Variants in PNPLA7 observed in about 807,000 individuals in gnomAD.
PNPLA7 encodes patatin-like phospholipase domain-containing protein 7.
In PNPLA7, 153 loss-of-function variants were observed where a neutral mutation model predicts 161.7. The ratio of observed to expected loss-of-function variants is 0.95; its 90% CI spans 0.83 to 1.08. The LOEUF is 1.08. Ranked by LOEUF, PNPLA7 falls within the 50% of genes least tolerant of loss-of-function variation. PNPLA7 has a pLI of 0.00. For missense variants in PNPLA7, 1,739 were observed against 1,856.6 expected (o/e 0.94, Z 1.16); for synonymous variants, 809 against 782.1 (o/e 1.03, Z -0.57).
At chr9:137,514,131 C>T (rs1025051806) in intron 12 of PNPLA7, among the ~76,000 whole-genome samples, 3 of 149,772 alleles carry the variant, frequency 2.0e-5, no homozygotes, top group African/African-American at 7.4e-5. Context: ...TGTTGAGGTG[C>T]CCGGGCCCTG....
At chr9:137,469,614 A>G (rs1004561833) in intron 25 of PNPLA7, among the ~76,000 whole-genome samples, 1 of 152,254 alleles carries the variant, frequency 6.6e-6, no homozygotes, top group Non-Finnish European at 1.5e-5. Flanking sequence ...CTGTTTCTTT[A>G]TAGACAATGT....
Position 137,500,746 on chromosome 9 carries a change from C to T in PNPLA7, c.1702G>A (p.Val568Ile), listed in dbSNP as rs773186126. ...VLTGEPLIFTVKANRDCSFLS... is the reference protein window; with the variant it reads ...VLTGEPLIFTIKANRDCSFLS... ...AAGCTGCAGTCCCTGTTGGCCTTGA[C>T]GGTGAAGATGAGAGGCTCCCCGGTG... The change falls in exon 16 of 35, where the codon GTC (valine) becomes ATC (isoleucine). Residue 568 changes from valine (V) to isoleucine (I), a missense_variant. Val to Ile is a conservative substitution (Grantham distance 29). Coordinates refer to ENST00000406427, the MANE Select transcript of PNPLA7 (RefSeq NM_001098537.3). The surrounding 1 kb of genome is among the most constrained non-coding windows in gnomAD (Gnocchi z 5.5). 4.3e-5 allele frequency: 69 copies of T among 1,612,340 alleles called. No homozygotes were observed. In the South Asian group the frequency reaches 4.8e-4, roughly 11 times the overall value.
intron 20 of PNPLA7, chr9:137,492,306 C>T (rs908356724): frequency 3.6e-5 from 35 of 985,030 alleles, no homozygotes; most frequent in Non-Finnish European, 3.9e-5. Flanking sequence ...GAGGTTTCAC[C>T]CTGTTTCCTT....
At chr9:137,509,438 G>A (rs1834094679) in intron 12 of PNPLA7, 1 of 213,736 alleles carries the variant, frequency 4.7e-6, no homozygotes, top group Admixed American at 5.4e-5. Flanking sequence ...AGTGAGTTTA[G>A]CTGGTATGAA....
chr9:137,543,374 C>A lies in PNPLA7; in HGVS notation c.506+58G>T, dbSNP rs915377907. ...CGGCCAAGCTGGAGCCAGGCCCCAG[C>A]GAGAAGCCCGGGGCTATGGGAGCTG... On this transcript the variant is annotated intron_variant, in intron 6 of 34. Transcript: ENST00000406427. This position sits in a 1 kb window ranked among gnomAD's most constrained non-coding sequence, Gnocchi z 6.9. 6.2e-7 allele frequency: 1 copy of A among 1,607,296 alleles called. No homozygotes were observed. Among genetic ancestry groups the A allele is most frequent in the Non-Finnish European group, 8.5e-7 (1 of 1,176,346 alleles).
At chr9:137,504,464 G>A (rs554737805) in intron 14 of PNPLA7, among the ~76,000 whole-genome samples, 17 of 152,068 alleles carry the variant, frequency 1.1e-4, no homozygotes, top group East Asian at 3.8e-4. Flanking sequence ...CACCTGCCTC[G>A]GCCTCCCAAA....
chr9:137,484,208 G>A (rs1001176361), intron 21 of PNPLA7, among the ~76,000 whole-genome samples: 4 of 152,092 alleles, frequency 2.6e-5, no homozygotes, highest in Admixed American at 6.5e-5. Flanking sequence ...ATGAGCCACC[G>A]CGCCCGACCG....
chr9:137,462,832 C>T lies in PNPLA7; in HGVS notation c.3345G>A (p.Ala1115=), dbSNP rs369634710. 3.5e-5 allele frequency: 57 copies of T among 1,613,586 alleles called. No individual in the cohort carries two copies. The highest frequency in any genetic ancestry group is 5.0e-5 in the Admixed American group (3 of 59,992). ...TTGCCCCCATGGACCGGGCCACATC[C>T]GCTAGGGAGAAGCCAGCCCTGGTTA... ...MDGGYINNLP[A]DVARSMGAKV... Residue 1115 remains alanine, a splice_region_variant and synonymous_variant, in exon 30 of 35, where the codon GCG becomes GCA. Transcript: ENST00000406427.
intron 20 of PNPLA7, among the ~76,000 whole-genome samples, chr9:137,488,389 A>G (rs1245730110): frequency 6.6e-6 from 1 of 152,140 alleles, no homozygotes; most frequent in East Asian, 1.9e-4. Context: ...CTAGTTCCAT[A>G]TGGCCTTAGC....
rs569907978 is a variant in PNPLA7 at position 137,524,875 on chromosome 9, G to A, written c.748-2018C>T. Reference sequence around the variant, plus strand: ...TGGATGCCCCGTGGAATGAGTTTCCGTGGATGCCTGTCTTCACCAGCAGTT... The same window carrying A: ...TGGATGCCCCGTGGAATGAGTTTCCATGGATGCCTGTCTTCACCAGCAGTT... On this transcript the variant is annotated intron_variant, in intron 8 of 34. Coordinates refer to ENST00000406427, the MANE Select transcript of PNPLA7 (RefSeq NM_001098537.3). This position sits in a 1 kb window ranked among gnomAD's most constrained non-coding sequence, Gnocchi z 4.4. 3.1e-4 allele frequency among the ~76,000 whole-genome samples: 47 copies of A among 152,250 alleles called. No individual in the cohort carries two copies. The highest frequency in any genetic ancestry group is 6.5e-4 in the Non-Finnish European group (44 of 68,030).
chr9:137,514,236 C>A (rs1358310987), intron 12 of PNPLA7, among the ~76,000 whole-genome samples: 1 of 146,350 alleles, frequency 6.8e-6, no homozygotes, highest in Non-Finnish European at 1.5e-5. Flanking sequence ...GTGCCCGGGC[C>A]CTGTGGCTGG....
In PNPLA7 at chr9:137,540,508, C is replaced by CCAAA; in HGVS notation, c.747+130_747+133dup. 1.3e-6 allele frequency: 1 copy of CCAAA among 784,154 alleles called. No homozygotes were observed. The highest frequency in any genetic ancestry group is 2.1e-6 in the Non-Finnish European group (1 of 487,490). The allele number at this position is 784,154 out of a possible 1,614,324, so 48.6% of individuals were successfully genotyped here. A position where few individuals can be genotyped will look rare whatever the true frequency, so the allele number is the denominator to read the frequency against. On this transcript the variant is annotated intron_variant, in intron 8 of 34. Coordinates refer to ENST00000406427, the MANE Select transcript of PNPLA7 (RefSeq NM_001098537.3). The surrounding 1 kb of genome is among the most constrained non-coding windows in gnomAD (Gnocchi z 5.1). ...TCCTCTTTCTTCCCTCCTTCCTGGA[C>CCAAA]CAAACCCTGCTCCCCTCACATCACT...
At position 137,484,705 on chromosome 9, in the gene PNPLA7, G is replaced by T; in HGVS notation, c.2229C>A (p.Ser743Arg). The change falls in exon 21 of 35, where the codon AGC becomes AGA. Residue 743 changes from serine (S) to arginine (R), a missense_variant. This residue lies in a region of PNPLA7 where 192 missense variants were observed against 249.5 expected (regional missense o/e 0.77). Transcript: ENST00000406427. ...GHQLGLPTEGSKWDLGNPAVN... is the reference protein window; with the variant it reads ...GHQLGLPTEGRKWDLGNPAVN... ...CAGCCGGGTTCCCCAAGTCCCACTTGCTGCCCTCCGTGGGGAGCCCAAGCT... is the reference window on the plus strand; with the variant it reads ...CAGCCGGGTTCCCCAAGTCCCACTTTCTGCCCTCCGTGGGGAGCCCAAGCT... The T allele has an allele frequency of 6.2e-7, 1 of 1,611,714 alleles. No individual in the cohort carries two copies. Among genetic ancestry groups the T allele is most frequent in the Non-Finnish European group, 8.5e-7 (1 of 1,178,998 alleles).
chr9:137,500,783 C>G lies in PNPLA7; in HGVS notation c.1665G>C (p.Gln555His). 6.2e-7 allele frequency: 1 copy of G among 1,611,880 alleles called. No homozygotes were observed. The highest frequency in any genetic ancestry group is 8.5e-7 in the Non-Finnish European group (1 of 1,179,684). Residue 555 changes from glutamine (Q) to histidine (H), a missense_variant, in exon 16 of 35, where the codon CAG becomes CAC. This residue lies in a region of PNPLA7 where 481 missense variants were observed against 450.0 expected (regional missense o/e 1.07). Coordinates refer to ENST00000406427, the MANE Select transcript of PNPLA7 (RefSeq NM_001098537.3). The surrounding 1 kb of genome is among the most constrained non-coding windows in gnomAD (Gnocchi z 5.5). ...GAGGCTCCCCGGTGAGCACGGCCAG[C>G]TGGCCCACCATCTCCCCGGGGCGCG... The part of the protein sequence containing the change: ...FLTRPGEMVG[Q>H]LAVLTGEPLI...
intron 20 of PNPLA7, among the ~76,000 whole-genome samples, chr9:137,488,234 C>G (rs1385214857): frequency 6.6e-6 from 1 of 152,014 alleles, no homozygotes; most frequent in Admixed American, 6.6e-5. Context: ...ATGTCTCGTC[C>G]CGAGCTTCGG....
intron 8 of PNPLA7, among the ~76,000 whole-genome samples, chr9:137,532,051 C>G (rs1835608938): frequency 6.6e-6 from 1 of 152,194 alleles, no homozygotes; most frequent in Non-Finnish European, 1.5e-5. Flanking sequence ...TGCCAACCGC[C>G]ATTCCCAGCA....
intron 21 of PNPLA7, among the ~76,000 whole-genome samples, chr9:137,482,781 G>A (rs373919147): frequency 1.3e-5 from 2 of 152,268 alleles, no homozygotes; most frequent in Non-Finnish European, 2.9e-5. Context: ...GGCGCTGCCC[G>A]TGAAGGAGCC....
chr9:137,519,307 C>T (rs1461747029), intron 11 of PNPLA7, among the ~76,000 whole-genome samples: 5 of 152,264 alleles, frequency 3.3e-5, no homozygotes, highest in African/African-American at 1.2e-4. Flanking sequence ...CCGACCGCTT[C>T]CTCCTCAGAT....
At chr9:137,501,760 C>A (rs1891629) in intron 14 of PNPLA7, 33 bp from the exon 15 acceptor site, 1 of 1,601,834 alleles carries the variant, frequency 6.2e-7, no homozygotes, top group Non-Finnish European at 8.5e-7. Flanking sequence ...GGAACACGGG[C>A]GGGAAGCATA....
Sources: allele counts gnomAD v4.1 joint callset (sites outside exome capture counted in the v4.1 genomes callset), GRCh38; gene constraint gnomAD v4.1.1; regional missense constraint gnomAD v4.1.1; non-coding constraint Gnocchi (gnomAD v3.1); transcripts MANE v1.5; gene names NCBI Gene and HGNC (gene_info 2026-07-23, HGNC 2026-07-21).